CDH13: variants seen among roughly 807,000 people sequenced by gnomAD.
CDH13 encodes the protein cadherin 13, also known as cadherin-13.
In CDH13, 24 loss-of-function variants were observed where a neutral mutation model predicts 63.8. The ratio of observed to expected loss-of-function variants is 0.38; its 90% confidence interval spans 0.27 to 0.53. The LOEUF is 0.53. Ranked by LOEUF, CDH13 falls within the 20% of genes least tolerant of loss-of-function variation. The probability of loss-of-function intolerance (pLI) is 0.85; values close to 1 mark genes in which losing one functional copy is unlikely to be tolerated. For missense variants in CDH13, 1,049 were observed against 903.1 expected (o/e 1.16, Z -2.07); for synonymous variants, 503 against 355.3 (o/e 1.42, Z -4.67).
At chr16:83,709,619 A>T (rs927032191) in intron 10 of CDH13, among the ~76,000 whole-genome samples, 2 of 152,258 alleles carry the variant, frequency 1.3e-5, no homozygotes, top group African/African-American at 4.8e-5. Context: ...TTCCATTGCC[A>T]TCCACAGTGA....
rs147199962 is a variant in CDH13, at chr16:83,505,134, A to T, written c.960+18479A>T. ...GATCCTACCCATCCTCAAATTCTAG[A>T]TTTGGACTTGAATTTGGTGCTCTTA... is the stretch of plus-strand genomic sequence containing the variant. On this transcript the variant is annotated intron_variant, in intron 7 of 13. Transcript: ENST00000567109. Among the ~76,000 whole-genome samples, 734 of 152,266 alleles carry T rather than the reference A, an allele frequency of 4.8e-3. 12 individuals carry two copies. Among genetic ancestry groups the T allele is most frequent in the African/African-American group, 0.017 (694 of 41,540 alleles).
intron 7 of CDH13, among the ~76,000 whole-genome samples, chr16:83,513,211 A>G (rs1033311276): frequency 3.9e-5 from 6 of 152,154 alleles, no homozygotes; most frequent in African/African-American, 1.4e-4. Context: ...AAAGCATCAA[A>G]CAAAGATCCA....
intron 6 of CDH13, among the ~76,000 whole-genome samples, chr16:83,369,742 C>G (rs908319122): frequency 6.6e-6 from 1 of 152,054 alleles, no homozygotes; most frequent in African/African-American, 2.4e-5. Flanking sequence ...GTCTTGATGC[C>G]TCTCCTCTCC....
At chr16:82,820,860 T>C (rs990046946) in intron 1 of CDH13, among the ~76,000 whole-genome samples, 1 of 152,148 alleles carries the variant, frequency 6.6e-6, no homozygotes, top group African/African-American at 2.4e-5. Flanking sequence ...AACGTTTGAC[T>C]GCAAAAAATG....
intron 3 of CDH13, among the ~76,000 whole-genome samples, chr16:83,052,801 A>AAAAAAAAAAAAAAAAAAAAAAAAAAAG (rs1555571697): frequency 8.2e-6 from 1 of 122,658 alleles, no homozygotes; most frequent in African/African-American, 3.3e-5. Context: ...AAAAAAAAAA[A>AAAAAAAAAAAAAAAAAAAAAAAAAAAG]AAAGAAAGAA....
chr16:83,266,433 T>A (rs890201520), intron 5 of CDH13, among the ~76,000 whole-genome samples: 2 of 152,220 alleles, frequency 1.3e-5, no homozygotes, highest in African/African-American at 4.8e-5. Context: ...ATTGTTAACA[T>A]TGAATTTATC....
intron 7 of CDH13, among the ~76,000 whole-genome samples, chr16:83,524,429 T>C (rs936406029): frequency 1.3e-5 from 2 of 148,310 alleles, no homozygotes; most frequent in Non-Finnish European, 3.0e-5. Flanking sequence ...ATGAATTTCA[T>C]GTCTTTTTCT....
chr16:83,760,716 T>C (rs1913896540), intron 11 of CDH13, among the ~76,000 whole-genome samples: 1 of 152,246 alleles, frequency 6.6e-6, no homozygotes, highest in Non-Finnish European at 1.5e-5. Context: ...TGTGTTCAGA[T>C]TGTGAAAATT....
At chr16:82,699,378 C>A (rs1451624847) in intron 1 of CDH13, among the ~76,000 whole-genome samples, 1 of 152,164 alleles carries the variant, frequency 6.6e-6, no homozygotes, top group Non-Finnish European at 1.5e-5. Context: ...AGAACATACA[C>A]TCTGCAAGTG....
chr16:83,309,251 G>C (rs962536869), intron 5 of CDH13, among the ~76,000 whole-genome samples: 1 of 152,216 alleles, frequency 6.6e-6, no homozygotes, highest in Admixed American at 6.5e-5. Context: ...GGTGGAAATT[G>C]AATTTGGGAG....
chr16:83,260,728 C>A (rs970835567), intron 5 of CDH13, among the ~76,000 whole-genome samples: 8 of 152,152 alleles, frequency 5.3e-5, no homozygotes, highest in African/African-American at 1.9e-4. Context: ...TCCAGTAATG[C>A]CTCCTTTCTC....
chr16:82,975,406 G>A (rs1407570237), intron 2 of CDH13, among the ~76,000 whole-genome samples: 1 of 152,200 alleles, frequency 6.6e-6, no homozygotes, highest in African/African-American at 2.4e-5. Flanking sequence ...CTGGGTGTCA[G>A]TCACAGTTCT....
chr16:82,837,326 C>T (rs992864875), intron 1 of CDH13, among the ~76,000 whole-genome samples: 1 of 152,082 alleles, frequency 6.6e-6, no homozygotes, highest in South Asian at 2.1e-4. Flanking sequence ...GGGAAAAGTC[C>T]ATGTAAAGTG....
At chr16:82,713,597 T>A (rs776122651) in intron 1 of CDH13, among the ~76,000 whole-genome samples, 10 of 152,078 alleles carry the variant, frequency 6.6e-5, no homozygotes, top group Non-Finnish European at 1.5e-4. Flanking sequence ...GATGATTGCA[T>A]TCATGATTGT....
At chr16:82,681,116 G>A (rs539032403) in intron 1 of CDH13, among the ~76,000 whole-genome samples, 2 of 152,344 alleles carry the variant, frequency 1.3e-5, no homozygotes, top group South Asian at 4.1e-4. Flanking sequence ...ATATTCTTGG[G>A]AAGACTCTGG....
At chr16:83,589,673 G>A (rs912053473) in intron 7 of CDH13, among the ~76,000 whole-genome samples, 2 of 152,136 alleles carry the variant, frequency 1.3e-5, no homozygotes, top group African/African-American at 4.8e-5. Context: ...CACTGTGCTC[G>A]ATACATGAAC....
intron 8 of CDH13, among the ~76,000 whole-genome samples, chr16:83,603,648 C>T (rs189269100): frequency 4.1e-3 from 627 of 152,240 alleles, no homozygotes; most frequent in Middle Eastern, 0.014. Context: ...CTGCAGTTGC[C>T]CCACTGCTCT....
chr16:82,680,944 G>A (rs1914475831), intron 1 of CDH13, among the ~76,000 whole-genome samples: 1 of 152,204 alleles, frequency 6.6e-6, no homozygotes, highest in Admixed American at 6.5e-5. Flanking sequence ...AAATCTAGTG[G>A]AAAGCCAGAG....
chr16:83,128,478 C>A (rs544422765), intron 4 of CDH13, among the ~76,000 whole-genome samples: 2 of 152,328 alleles, frequency 1.3e-5, no homozygotes, highest in South Asian at 4.1e-4. Flanking sequence ...ACTTTCTCCT[C>A]CTGTCCACCA....
Sources: gnomAD v4.1 joint callset for allele counts (sites outside exome capture counted in the v4.1 genomes callset) on GRCh38, gnomAD v4.1.1 for gene constraint, MANE v1.5 for transcripts, NCBI Gene and HGNC (gene_info 2026-07-23, HGNC 2026-07-21) for gene names.